The following ALCAM variants were observed in gnomAD, a reference collection of about 807,000 sequenced individuals.
ALCAM encodes activated leukocyte cell adhesion molecule, also known as CD166 antigen.
Under a neutral mutation model 70.9 loss-of-function variants are expected in ALCAM, and 30 were observed. The observed-to-expected ratio is 0.42, with a 90% confidence interval of 0.32 to 0.57. ALCAM has a LOEUF of 0.57. Ranked by LOEUF, ALCAM falls within the 20% of genes least tolerant of loss-of-function variation. The pLI is 0.11. For missense variants in ALCAM, 591 were observed against 695.1 expected, an observed-to-expected ratio of 0.85 and a Z score of 1.68; for synonymous variants, 249 against 242.5, an observed-to-expected ratio of 1.03 and a Z score of -0.25.
At chr3:105,390,554 G>C (rs1056367638) in intron 1 of ALCAM, among the ~76,000 whole-genome samples, 3 of 151,954 alleles carry the variant, frequency 2.0e-5, no homozygotes, top group African/African-American at 7.2e-5. Flanking sequence ...TAGGTTGCCT[G>C]TTCACTCTGA....
At chr3:105,473,575 G>A (rs1398549382) in intron 1 of ALCAM, among the ~76,000 whole-genome samples, 1 of 151,588 alleles carries the variant, frequency 6.6e-6, no homozygotes, top group Non-Finnish European at 1.5e-5. Flanking sequence ...AGCTGGATAA[G>A]AATTACTCAA....
At chr3:105,384,072 G>C (rs1935591143) in intron 1 of ALCAM, among the ~76,000 whole-genome samples, 1 of 151,574 alleles carries the variant, frequency 6.6e-6, no homozygotes, top group African/African-American at 2.4e-5. Context: ...GGATGCTTTT[G>C]AGAGTAAAAT....
intron 2 of ALCAM, among the ~76,000 whole-genome samples, chr3:105,523,727 C>A (rs188350314): frequency 1.3e-5 from 2 of 152,196 alleles, no homozygotes; most frequent in African/African-American, 4.8e-5. Flanking sequence ...TAATCTGACT[C>A]ATTCCTTAAT....
chr3:105,469,063 A>G (rs1273704295), intron 1 of ALCAM, among the ~76,000 whole-genome samples: 1 of 151,224 alleles, frequency 6.6e-6, no homozygotes, highest in Admixed American at 6.6e-5. Context: ...ATATGTGAGC[A>G]TTGTCCTGCT....
intron 1 of ALCAM, among the ~76,000 whole-genome samples, chr3:105,490,403 C>T (rs530074891): frequency 6.3e-4 from 96 of 152,298 alleles, no homozygotes; most frequent in Non-Finnish European, 1.3e-3. Flanking sequence ...ACCGCCGAAT[C>T]CTCTTAGCCT....
At chr3:105,418,668 G>T (rs1452494120) in intron 1 of ALCAM, among the ~76,000 whole-genome samples, 1 of 151,732 alleles carries the variant, frequency 6.6e-6, no homozygotes, top group African/African-American at 2.4e-5. Context: ...ATTTCCCTCA[G>T]AAATTGGGGT....
At position 105,576,242 on chromosome 3, in the gene ALCAM, T is replaced by A. The variant is rs983620741; in HGVS notation, c.*1791T>A. 4 of 152,616 alleles carry A rather than the reference T, an allele frequency of 2.6e-5. No homozygotes were observed. The highest frequency in any genetic ancestry group is 9.7e-5 in the African/African-American group (4 of 41,450). 9.5% of individuals were successfully genotyped at this position (152,616 alleles called of 1,614,324 possible). ...AGTAAAAGGGGAAAAACCAAAGTTA[T>A]TTGTTTTGCATGGCTAAGCCATTCT... On this transcript the variant is annotated 3_prime_UTR_variant, in exon 16 of 16. Transcript: ENST00000306107.
chr3:105,541,277 T>C (rs1940109985), intron 7 of ALCAM, among the ~76,000 whole-genome samples: 1 of 151,802 alleles, frequency 6.6e-6, no homozygotes, highest in Non-Finnish European at 1.5e-5. Context: ...ATATATAGTG[T>C]ATTTCCTTTT....
chr3:105,524,821 AAAT>A (rs1255272312), intron 3 of ALCAM: 1 of 1,098,334 alleles, frequency 9.1e-7, no homozygotes, highest in Non-Finnish European at 1.1e-6. Context: ...TGACATGTAC[AAAT>A]AAGTGTTGTG....
intron 1 of ALCAM, among the ~76,000 whole-genome samples, chr3:105,437,603 T>C (rs1210032386): frequency 6.6e-6 from 1 of 152,112 alleles, no homozygotes; most frequent in African/African-American, 2.4e-5. Flanking sequence ...CAATTAGCTA[T>C]AATATTTAAG....
intron 6 of ALCAM, among the ~76,000 whole-genome samples, chr3:105,539,144 T>C (rs1415681763): frequency 6.6e-6 from 1 of 152,142 alleles, no homozygotes; most frequent in Non-Finnish European, 1.5e-5. Flanking sequence ...TTGCATTATA[T>C]GATTTCAAAA....
intron 1 of ALCAM, among the ~76,000 whole-genome samples, chr3:105,377,608 A>C (rs1265435070): frequency 3.3e-5 from 5 of 152,052 alleles, no homozygotes; most frequent in Non-Finnish European, 5.9e-5. Context: ...ACTCACATAC[A>C]AGGCAAAACC....
At chr3:105,405,487 A>T (rs1380702186) in intron 1 of ALCAM, among the ~76,000 whole-genome samples, 1 of 152,140 alleles carries the variant, frequency 6.6e-6, no homozygotes, top group Admixed American at 6.5e-5. Flanking sequence ...ACAGCACCAG[A>T]CAGGTCATCA....
At chr3:105,458,132 A>G (rs1937558466) in intron 1 of ALCAM, among the ~76,000 whole-genome samples, 1 of 152,100 alleles carries the variant, frequency 6.6e-6, no homozygotes, top group African/African-American at 2.4e-5. Context: ...GCAACTTAAC[A>G]CCTGCAACTA....
intron 1 of ALCAM, among the ~76,000 whole-genome samples, chr3:105,503,016 G>T (rs62260777): frequency 0.12 from 18,625 of 152,192 alleles, 1,337 homozygotes; most frequent in East Asian, 0.24. Context: ...ATCTCAAATT[G>T]GTAAGCACAA....
At position 105,528,723 on chromosome 3, in the gene ALCAM, C is replaced by G. The variant is rs567327492; in HGVS notation, c.395-3279C>G. 3.3e-5 allele frequency among the ~76,000 whole-genome samples: 5 copies of G among 152,134 alleles called. No individual in the cohort carries two copies. In the South Asian group the frequency reaches 1.0e-3, roughly 32 times the overall value. On this transcript the variant is annotated intron_variant, in intron 3 of 15. Coordinates refer to ENST00000306107, the MANE Select transcript of ALCAM (RefSeq NM_001627.4). ...AGAGGAGAACAACACACACTGGGGC[C>G]TTTCAGAGGGAGGAGGGTAGGAAGA...
intron 6 of ALCAM, among the ~76,000 whole-genome samples, chr3:105,536,352 C>T (rs1019627573): frequency 2.6e-5 from 4 of 152,104 alleles, no homozygotes; most frequent in African/African-American, 9.7e-5. Context: ...CCTCAGCCTC[C>T]CAAAGTACTG....
rs148569272 is a variant in ALCAM, at chr3:105,481,797, T to G, written c.74-38270T>G. On this transcript the variant is annotated intron_variant, in intron 1 of 15. Transcript: ENST00000306107. ...TTTTTTTTAAAGTTATGTTTTTTCT[T>G]TATCTGTTACTTAGGTATTTCCTAA... Among the ~76,000 whole-genome samples the G allele has an allele frequency of 4.9e-3, 749 of 152,274 alleles. 1 individual carries two copies. Among genetic ancestry groups the G allele is most frequent in the Non-Finnish European group, 6.0e-3 (405 of 68,012 alleles).
chr3:105,478,658 G>A (rs1466622009), intron 1 of ALCAM, among the ~76,000 whole-genome samples: 1 of 152,020 alleles, frequency 6.6e-6, no homozygotes, highest in African/African-American at 2.4e-5. Flanking sequence ...ATGTGTTATA[G>A]TTATCTGTGA....
Sources: gnomAD v4.1 joint callset for allele counts (sites outside exome capture counted in the v4.1 genomes callset) on GRCh38, gnomAD v4.1.1 for gene constraint, MANE v1.5 for transcripts, NCBI Gene and HGNC (gene_info 2026-07-23, HGNC 2026-07-21) for gene names.